PGM2L1: variants seen among roughly 807,000 people sequenced by gnomAD.
The protein encoded by PGM2L1 is phosphoglucomutase 2 like 1.
Under a neutral mutation model 73.4 loss-of-function variants are expected in PGM2L1, and 35 were observed. That is an observed-to-expected ratio of 0.48 (90% CI 0.36 to 0.63). PGM2L1 has a LOEUF of 0.63. Ranked by LOEUF, PGM2L1 falls within the 30% of genes least tolerant of loss-of-function variation. The pLI is 0.00. For missense variants in PGM2L1, 570 were observed against 742.0 expected, an observed-to-expected ratio of 0.77 and a Z score of 2.69; for synonymous variants, 225 against 253.8, an observed-to-expected ratio of 0.89 and a Z score of 1.08.
In PGM2L1 at chr11:74,347,207, G is replaced by C. The variant is rs774333775; in HGVS notation, c.880C>G (p.Pro294Ala). The C allele has an allele frequency of 3.7e-6, 6 of 1,611,228 alleles. No homozygotes were observed. The highest frequency in any genetic ancestry group is 1.1e-5 in the South Asian group (1 of 90,302). Residue 294 changes from proline to alanine, a missense_variant, in exon 7 of 14, where the codon CCT (proline) becomes GCT (alanine). Physicochemically the swap from Pro to Ala is conservative, Grantham distance 27. Transcript: ENST00000298198. Reference protein sequence around the residue: ...PPIPVPEQKDPDPDFSTVKCP... With the variant: ...PPIPVPEQKDADPDFSTVKCP... ...TTAACGGTAGAAAAGTCTGGATCAG[G>C]ATCTTTTTGTTCTGGTACTGGAATT...
rs549461836 is a variant in PGM2L1 at position 74,396,388 on chromosome 11, T to A, written c.111+1663A>T. Among the ~76,000 whole-genome samples, 11 of 152,140 alleles carry A rather than the reference T, an allele frequency of 7.2e-5. No homozygotes were observed. The East Asian group carries it at 1.7e-3, about 24-fold the overall frequency. On this transcript the variant is annotated intron_variant, in intron 1 of 13. Transcript: ENST00000298198. ...GGTCCACAGACCAGCAGCATTAGTATCACCTGAAAATTCATTCTTTTTTTT... is the reference window on the plus strand; with the variant it reads ...GGTCCACAGACCAGCAGCATTAGTAACACCTGAAAATTCATTCTTTTTTTT...
Position 74,342,964 on chromosome 11 carries a change from C to T in PGM2L1, c.1363G>A (p.Val455Ile), listed in dbSNP as rs766561735. Reference protein sequence around the residue: ...VLDKDGVSAAVVVAEMASYLE... With the variant: ...VLDKDGVSAAIVVAEMASYLE... ...TAAGATGCCATCTCAGCAACCACAA[C>T]AGCTGCACTCACCCCATCTTTATCC... The change falls in exon 11 of 14, where the codon GTT becomes ATT. Residue 455 changes from valine (V) to isoleucine (I), a missense_variant. Transcript: ENST00000298198. 10 of 1,610,474 alleles carry T rather than the reference C, an allele frequency of 6.2e-6. No individual in the cohort carries two copies. The highest frequency in any genetic ancestry group is 1.3e-5 in the African/African-American group (1 of 74,794).
chr11:74,348,287 A>G (rs1032994767), intron 6 of PGM2L1, among the ~76,000 whole-genome samples: 5 of 152,128 alleles, frequency 3.3e-5, no homozygotes, highest in African/African-American at 9.7e-5. Context: ...CTAACCTACC[A>G]TTTACTAACT....
At chr11:74,366,040 G>T (rs1279866) in intron 5 of PGM2L1, among the ~76,000 whole-genome samples, 2 of 152,056 alleles carry the variant, frequency 1.3e-5, no homozygotes, top group Admixed American at 6.5e-5. Context: ...CCATAAAAAA[G>T]GATGAGCTCA....
intron 5 of PGM2L1, among the ~76,000 whole-genome samples, chr11:74,352,665 T>A (rs778738387): frequency 4.6e-5 from 7 of 152,180 alleles, no homozygotes; most frequent in Non-Finnish European, 8.8e-5. Flanking sequence ...GTTAACCAGA[T>A]GACCTAAAAA....
chr11:74,339,844 C>T (rs1862157541), intron 12 of PGM2L1, among the ~76,000 whole-genome samples: 1 of 152,170 alleles, frequency 6.6e-6, no homozygotes, highest in Non-Finnish European at 1.5e-5. Flanking sequence ...GCCTGAAACA[C>T]CCTCTGCTCC....
intron 5 of PGM2L1, among the ~76,000 whole-genome samples, chr11:74,358,799 G>T (rs1862503904): frequency 6.6e-6 from 1 of 152,208 alleles, no homozygotes; most frequent in Admixed American, 6.5e-5. Flanking sequence ...TGAGGCAGGA[G>T]AATTGCTTGA....
At chr11:74,391,939 A>G (rs1371598562) in intron 1 of PGM2L1, among the ~76,000 whole-genome samples, 1 of 152,244 alleles carries the variant, frequency 6.6e-6, no homozygotes, top group Non-Finnish European at 1.5e-5. Flanking sequence ...TTGTCCTGCA[A>G]ACTTTGCTAG....
At chr11:74,386,305 A>G (rs769218220) in intron 1 of PGM2L1, among the ~76,000 whole-genome samples, 4 of 152,130 alleles carry the variant, frequency 2.6e-5, no homozygotes, top group Non-Finnish European at 5.9e-5. Context: ...AATGGAAATT[A>G]AAGCTAAAAT....
intron 1 of PGM2L1, among the ~76,000 whole-genome samples, chr11:74,375,089 C>A (rs772213574): frequency 6.6e-6 from 1 of 152,160 alleles, no homozygotes; most frequent in South Asian, 2.1e-4. Flanking sequence ...ACATGCCTAC[C>A]AGTTACCTGC....
intron 1 of PGM2L1, 115 bp downstream of exon 1, chr11:74,397,936 C>G: frequency 7.2e-7 from 1 of 1,379,894 alleles, no homozygotes; most frequent in Non-Finnish European, 9.4e-7. Flanking sequence ...CCGCTGCCCC[C>G]CGCTCGGTGT....
intron 12 of PGM2L1, among the ~76,000 whole-genome samples, chr11:74,339,825 G>C: frequency 6.6e-6 from 1 of 152,132 alleles, no homozygotes; most frequent in East Asian, 1.9e-4. Flanking sequence ...TGTACTTACT[G>C]TTCCCTTTGC....
At chr11:74,373,119 A>T (rs1197794600) in intron 2 of PGM2L1, among the ~76,000 whole-genome samples, 1 of 152,178 alleles carries the variant, frequency 6.6e-6, no homozygotes, top group Non-Finnish European at 1.5e-5. Context: ...CAGCTTTTCC[A>T]CTTCACACCA....
Position 74,345,528 on chromosome 11 carries a change from T to C in PGM2L1, c.1159A>G (p.Thr387Ala). Residue 387 changes from threonine (T) to alanine (A), a missense_variant, in exon 9 of 14, where the codon ACC becomes GCC. Thr to Ala is a moderately conservative substitution (Grantham distance 58). Transcript: ENST00000298198. Reference sequence around the variant, plus strand: ...TTCAGAATTTTAGAAGAGACTGTGGTGGCTAACATATAAACGTTCTTCACA... The same window carrying C: ...TTCAGAATTTTAGAAGAGACTGTGGCGGCTAACATATAAACGTTCTTCACA... ...ADVKNVYMLA[T>A]TVSSKILKAI... The C allele has an allele frequency of 6.2e-7, 1 of 1,613,548 alleles. No homozygotes were observed. Among genetic ancestry groups the C allele is most frequent in the South Asian group, 1.1e-5 (1 of 91,066 alleles).
At chr11:74,343,158 T>G in intron 10 of PGM2L1, 144 bp from the exon 11 acceptor site, 1 of 1,332,668 alleles carries the variant, frequency 7.5e-7, no homozygotes, top group Non-Finnish European at 1.0e-6. Context: ...TAGGGGACAC[T>G]TTCGTTCTTT....
At chr11:74,353,882 G>GCCCCCCACCTCCCAGAGGGGGC (rs1211968641) in intron 5 of PGM2L1, among the ~76,000 whole-genome samples, 6 of 35,016 alleles carry the variant, frequency 1.7e-4, no homozygotes, top group Non-Finnish European at 2.2e-4. Flanking sequence ...TGCCGGGCGG[G>GCCCCCCACCTCCCAGAGGGGGC]GGCTGAAAAC....
intron 1 of PGM2L1, among the ~76,000 whole-genome samples, chr11:74,396,470 A>G (rs1300539780): frequency 6.6e-6 from 1 of 150,604 alleles, no homozygotes; most frequent in Non-Finnish European, 1.5e-5. Context: ...GCTGGAGTGC[A>G]GTGGCGCGAT....
chr11:74,344,942 T>C (rs1174158288), intron 9 of PGM2L1, among the ~76,000 whole-genome samples: 1 of 152,144 alleles, frequency 6.6e-6, no homozygotes, highest in Non-Finnish European at 1.5e-5. Flanking sequence ...GAAAAAGCAA[T>C]TTAGTTAACA....
chr11:74,347,557 A>G (rs1253158382), intron 6 of PGM2L1, among the ~76,000 whole-genome samples: 1 of 152,190 alleles, frequency 6.6e-6, no homozygotes, highest in Non-Finnish European at 1.5e-5. Context: ...CCTGACCTGG[A>G]CAGCTGCCTT....
Sources: gnomAD v4.1 joint callset for allele counts (sites outside exome capture counted in the v4.1 genomes callset) on GRCh38, gnomAD v4.1.1 for gene constraint, MANE v1.5 for transcripts, NCBI Gene and HGNC (gene_info 2026-07-23, HGNC 2026-07-21) for gene names.